The following COL21A1 variants were observed in gnomAD, a reference collection of about 807,000 sequenced individuals.
COL21A1 encodes collagen type XXI alpha 1 chain.
Under a neutral mutation model 137.9 loss-of-function variants are expected in COL21A1, and 149 were observed. The ratio of observed to expected loss-of-function variants is 1.08; its 90% CI spans 0.95 to 1.24. The LOEUF (loss-of-function observed/expected upper bound fraction) is 1.24. Ranked by LOEUF, COL21A1 falls within the 50% of genes most tolerant of loss-of-function variation. COL21A1 has a pLI of 0.00. For missense variants in COL21A1, 1,167 were observed against 1,158.4 expected (o/e 1.01, Z -0.11); for synonymous variants, 456 against 391.5 (o/e 1.16, Z -1.95).
intron 1 of COL21A1, among the ~76,000 whole-genome samples, chr6:56,272,299 A>T (rs1187628701): frequency 1.3e-5 from 2 of 152,180 alleles, no homozygotes; most frequent in African/African-American, 4.8e-5. Context: ...GAGCTTTAAG[A>T]TTTAATGAGT....
chr6:56,281,313 T>G (rs1290205318), intron 1 of COL21A1, among the ~76,000 whole-genome samples: 1 of 152,060 alleles, frequency 6.6e-6, no homozygotes, highest in Non-Finnish European at 1.5e-5. Context: ...AAAGTTAGAG[T>G]TTACAATGCC....
chr6:56,373,135 C>T (rs1425973010), intron 1 of COL21A1, among the ~76,000 whole-genome samples: 2 of 152,148 alleles, frequency 1.3e-5, no homozygotes, highest in Non-Finnish European at 2.9e-5. Context: ...GGTCTGTGGG[C>T]TGGAGAGCTT....
At chr6:56,111,137 C>A (rs564486732) in intron 16 of COL21A1, among the ~76,000 whole-genome samples, 1 of 130,544 alleles carries the variant, frequency 7.7e-6, no homozygotes. Context: ...CTTGAACCCT[C>A]TGTTATCCTT....
intron 1 of COL21A1, among the ~76,000 whole-genome samples, chr6:56,213,616 T>A (rs527566012): frequency 1.3e-5 from 2 of 152,058 alleles, no homozygotes; most frequent in Non-Finnish European, 1.5e-5. Context: ...GGTTAAATAA[T>A]AAGTATCAAG....
intron 1 of COL21A1, among the ~76,000 whole-genome samples, chr6:56,328,109 C>A (rs978608289): frequency 1.6e-4 from 25 of 151,966 alleles, no homozygotes; most frequent in Non-Finnish European, 2.9e-4. Flanking sequence ...CTTAAAAATT[C>A]TTGAACTATT....
intron 1 of COL21A1, among the ~76,000 whole-genome samples, chr6:56,188,760 C>G (rs1778470049): frequency 6.6e-6 from 1 of 152,148 alleles, no homozygotes; most frequent in South Asian, 2.1e-4. Flanking sequence ...CCCTCTGGGA[C>G]AAAGCTTCCC....
intron 1 of COL21A1, among the ~76,000 whole-genome samples, chr6:56,201,524 G>A (rs1162171348): frequency 6.6e-6 from 1 of 152,174 alleles, no homozygotes; most frequent in Middle Eastern, 3.4e-3. Context: ...TCTACATATG[G>A]CTAGCCAGTT....
chr6:56,082,851 A>G (rs1312105063), intron 17 of COL21A1, among the ~76,000 whole-genome samples: 2 of 151,868 alleles, frequency 1.3e-5, no homozygotes, highest in East Asian at 3.9e-4. Flanking sequence ...TATCTTCTAT[A>G]TCTTATTTAT....
At chr6:56,090,268 A>T (rs180835243) in intron 17 of COL21A1, among the ~76,000 whole-genome samples, 2 of 152,176 alleles carry the variant, frequency 1.3e-5, no homozygotes, top group Non-Finnish European at 2.9e-5. Flanking sequence ...ACAACACAAA[A>T]AAATGATCAG....
intron 1 of COL21A1, among the ~76,000 whole-genome samples, chr6:56,184,463 T>C (rs1778130279): frequency 6.6e-6 from 1 of 152,094 alleles, no homozygotes. Flanking sequence ...CAGAGACACA[T>C]TAAAAATAAT....
intron 10 of COL21A1, among the ~76,000 whole-genome samples, chr6:56,148,684 T>C (rs1437433654): frequency 2.0e-5 from 3 of 152,150 alleles, no homozygotes; most frequent in Non-Finnish European, 4.4e-5. Flanking sequence ...GCTTATCTCA[T>C]AGGCCTTACT....
intron 1 of COL21A1, among the ~76,000 whole-genome samples, chr6:56,353,151 C>T (rs1441974889): frequency 1.3e-5 from 2 of 152,152 alleles, no homozygotes; most frequent in Non-Finnish European, 2.9e-5. Flanking sequence ...TTCAATTTTG[C>T]TCCCTATGAA....
At chr6:56,243,383 T>G (rs1487567383) in intron 1 of COL21A1, among the ~76,000 whole-genome samples, 2 of 152,174 alleles carry the variant, frequency 1.3e-5, no homozygotes, top group East Asian at 3.8e-4. Context: ...AATGTTGTTC[T>G]AAATTTATTA....
At chr6:56,371,935 T>A (rs966135118) in intron 1 of COL21A1, among the ~76,000 whole-genome samples, 3 of 151,952 alleles carry the variant, frequency 2.0e-5, no homozygotes, top group Non-Finnish European at 4.4e-5. Context: ...CTGGGCTGAG[T>A]CCCCTTGTGA....
chr6:56,334,483 G>A (rs988981796), intron 1 of COL21A1, among the ~76,000 whole-genome samples: 16 of 152,116 alleles, frequency 1.1e-4, no homozygotes, highest in African/African-American at 3.6e-4. Context: ...TGGTTTGGTG[G>A]CATGAAGAAG....
chr6:56,301,854 T>TC (rs936502808), intron 1 of COL21A1, among the ~76,000 whole-genome samples: 20 of 32,656 alleles, frequency 6.1e-4, no homozygotes, highest in East Asian at 5.5e-3. Context: ...ATGCTATTTC[T>TC]CCCCCCCCCA....
At chr6:56,092,893 C>T (rs1422360811) in intron 17 of COL21A1, among the ~76,000 whole-genome samples, 1 of 152,114 alleles carries the variant, frequency 6.6e-6, no homozygotes, top group African/African-American at 2.4e-5. Flanking sequence ...TGTGTGTCCC[C>T]CAGAAGCTCA....
chr6:56,073,727 A>G (rs2114110180), intron 20 of COL21A1, among the ~76,000 whole-genome samples: 1 of 151,634 alleles, frequency 6.6e-6, no homozygotes, highest in African/African-American at 2.4e-5. Context: ...CTAACCTCAT[A>G]TCCTAAATAT....
chr6:56,081,891 T>C (rs1335483462), intron 17 of COL21A1, among the ~76,000 whole-genome samples: 2 of 151,876 alleles, frequency 1.3e-5, no homozygotes, highest in Admixed American at 6.6e-5. Flanking sequence ...CTACTCATGT[T>C]TATAATAAAG....
Sources: gnomAD v4.1 joint callset for allele counts (sites outside exome capture counted in the v4.1 genomes callset) on GRCh38, gnomAD v4.1.1 for gene constraint, MANE v1.5 for transcripts, NCBI Gene and HGNC (gene_info 2026-07-23, HGNC 2026-07-21) for gene names.